Variants in GNG12 observed in about 807,000 individuals in gnomAD.
GNG12 encodes guanine nucleotide-binding protein G(I)/G(S)/G(O) subunit gamma-12.
For synonymous variants in GNG12, 28 were observed against 29.7 expected (o/e 0.94, Z 0.19); for missense variants, 69 against 83.8 (o/e 0.82, Z 0.69).
At chr1:67,814,932 A>G (rs1646945087) in intron 1 of GNG12, among the ~76,000 whole-genome samples, 1 of 152,192 alleles carries the variant, frequency 6.6e-6, no homozygotes, top group Non-Finnish European at 1.5e-5. Flanking sequence ...ACAGACACAC[A>G]ACAAAGTTAC....
intron 1 of GNG12, among the ~76,000 whole-genome samples, chr1:67,823,042 T>G (rs1384011245): frequency 1.3e-5 from 2 of 152,158 alleles, no homozygotes; most frequent in African/African-American, 4.8e-5. Context: ...ATCTTCTCTT[T>G]CACCCTGGAA....
At chr1:67,733,310 A>G (rs1283795098) in intron 2 of GNG12, among the ~76,000 whole-genome samples, 25 of 152,242 alleles carry the variant, frequency 1.6e-4, no homozygotes, top group Admixed American at 1.6e-3. Context: ...GCATGTGTAT[A>G]GAATACAAAG....
intron 1 of GNG12, among the ~76,000 whole-genome samples, chr1:67,822,073 A>G (rs909198864): frequency 5.9e-5 from 9 of 151,840 alleles, no homozygotes; most frequent in African/African-American, 2.2e-4. Context: ...GCTGAAAAAA[A>G]AAATCGCAAA....
Position 67,833,373 on chromosome 1 carries a change from C to A in GNG12, c.-106G>T. The A allele has an allele frequency of 1.0e-6, 1 of 985,484 alleles. No homozygotes were observed. Among genetic ancestry groups the A allele is most frequent in the Non-Finnish European group, 1.2e-6 (1 of 829,920 alleles). 61.0% of individuals were successfully genotyped at this position (985,484 alleles called of 1,614,324 possible). A position where few individuals can be genotyped will look rare whatever the true frequency, so the allele number is the denominator to read the frequency against. ...CTGCCGGTGCGCTGCCCCGCCGTCG[C>A]CGCCGGGACTCGGTCTCTAAGGGCT... On this transcript the variant is annotated 5_prime_UTR_variant, in exon 1 of 4. Transcript: ENST00000370982.
At chr1:67,805,059 G>C (rs528512132) in intron 1 of GNG12, among the ~76,000 whole-genome samples, 1 of 152,204 alleles carries the variant, frequency 6.6e-6, no homozygotes, top group South Asian at 2.1e-4. Flanking sequence ...ACTTATCTGG[G>C]GAAAAGAAAT....
intron 1 of GNG12, among the ~76,000 whole-genome samples, chr1:67,786,779 C>CA (rs1232698598): frequency 3.3e-5 from 5 of 151,540 alleles, no homozygotes; most frequent in East Asian, 1.9e-4. Context: ...AAAACAACAA[C>CA]AAAAAAAACT....
At chr1:67,832,146 A>C (rs953044628) in intron 1 of GNG12, among the ~76,000 whole-genome samples, 1 of 152,236 alleles carries the variant, frequency 6.6e-6, no homozygotes, top group Non-Finnish European at 1.5e-5. Context: ...GAAGTAACTG[A>C]TGGGAAGGAA....
rs547241599 is a variant in GNG12 at position 67,713,367 on chromosome 1, G to A, written c.-26-5655C>T. Among the ~76,000 whole-genome samples, 9 of 152,244 alleles carry A rather than the reference G, an allele frequency of 5.9e-5. No homozygotes were observed. The South Asian group carries it at 1.7e-3, about 28-fold the overall frequency. ...TTTAGCTATTCAAATACTTCGCATT[G>A]GTTTTAATGCTGTGTTTCATCTGAA... On this transcript the variant is annotated intron_variant, in intron 2 of 3. Transcript: ENST00000370982.
At chr1:67,801,018 A>T (rs1054353942) in intron 1 of GNG12, among the ~76,000 whole-genome samples, 4 of 152,130 alleles carry the variant, frequency 2.6e-5, no homozygotes, top group Non-Finnish European at 5.9e-5. Context: ...CCAAGACTAC[A>T]CTGGATGTTT....
chr1:67,746,161 T>C (rs1385122173), intron 2 of GNG12, among the ~76,000 whole-genome samples: 1 of 151,922 alleles, frequency 6.6e-6, no homozygotes, highest in African/African-American at 2.4e-5. Flanking sequence ...TAAGATACTA[T>C]AAAGTTGTTA....
At chr1:67,761,785 T>C (rs376360513) in intron 2 of GNG12, among the ~76,000 whole-genome samples, 2 of 152,236 alleles carry the variant, frequency 1.3e-5, no homozygotes, top group African/African-American at 4.8e-5. Context: ...ATCCGCTTTC[T>C]GTCGGGTGAG....
At chr1:67,818,413 G>GTTTTTTT (rs1163831257) in intron 1 of GNG12, among the ~76,000 whole-genome samples, 15 of 83,890 alleles carry the variant, frequency 1.8e-4, no homozygotes, top group African/African-American at 2.6e-4. Flanking sequence ...AAGACCAGGG[G>GTTTTTTT]TTTTTTTTTT....
intron 1 of GNG12, among the ~76,000 whole-genome samples, chr1:67,827,373 A>T (rs949879563): frequency 6.6e-6 from 1 of 152,016 alleles, no homozygotes; most frequent in Non-Finnish European, 1.5e-5. Flanking sequence ...CTAGATACTA[A>T]CCCTCTGGCA....
chr1:67,791,274 T>C (rs1384636067), intron 1 of GNG12, among the ~76,000 whole-genome samples: 1 of 152,192 alleles, frequency 6.6e-6, no homozygotes, highest in Non-Finnish European at 1.5e-5. Flanking sequence ...ATACCCATCC[T>C]TAGGTGTCTT....
chr1:67,794,900 C>T (rs1646821206), intron 1 of GNG12, among the ~76,000 whole-genome samples: 1 of 152,228 alleles, frequency 6.6e-6, no homozygotes, highest in South Asian at 2.1e-4. Context: ...CACCTACCTG[C>T]CAACCCATTT....
At chr1:67,807,459 GAAA>G (rs766677975) in intron 1 of GNG12, among the ~76,000 whole-genome samples, 1 of 146,438 alleles carries the variant, frequency 6.8e-6, no homozygotes, top group East Asian at 2.0e-4. Context: ...TCAAATTAAA[GAAA>G]AAAATCAAAG....
In GNG12 at chr1:67,748,693, G is replaced by C. The variant is rs144188116; in HGVS notation, c.-27+28765C>G. Reference sequence around the variant, plus strand: ...ACTGAGAATTAAATGTCATGGTTTTGTGTTTTGGAAAGCAAAACTCTCCCC... The same window carrying C: ...ACTGAGAATTAAATGTCATGGTTTTCTGTTTTGGAAAGCAAAACTCTCCCC... On this transcript the variant is annotated intron_variant, in intron 2 of 3. Transcript: ENST00000370982. 1.1e-3 allele frequency among the ~76,000 whole-genome samples: 171 copies of C among 152,252 alleles called. 2 individuals are homozygous for C. The East Asian group carries it at 0.03, about 27-fold the overall frequency.
At chr1:67,799,718 TATTA>T (rs1646853461) in intron 1 of GNG12, among the ~76,000 whole-genome samples, 1 of 152,228 alleles carries the variant, frequency 6.6e-6, no homozygotes. Flanking sequence ...AAAAAATACT[TATTA>T]ATCCATTAAA....
intron 2 of GNG12, among the ~76,000 whole-genome samples, chr1:67,734,607 C>T (rs190272956): frequency 2.0e-5 from 3 of 152,276 alleles, no homozygotes; most frequent in African/African-American, 7.2e-5. Flanking sequence ...GCCCTTGTAT[C>T]TAGCCATCAC....
Sources: gnomAD v4.1 joint callset for allele counts (sites outside exome capture counted in the v4.1 genomes callset) on GRCh38, gnomAD v4.1.1 for gene constraint, MANE v1.5 for transcripts, NCBI Gene and HGNC (gene_info 2026-07-23, HGNC 2026-07-21) for gene names.